The following DYM variants were observed in gnomAD, a reference collection of about 807,000 sequenced individuals.
DYM encodes dymeclin, also known as dyggve-Melchior-Clausen syndrome protein.
Under a neutral mutation model 93.1 loss-of-function variants are expected in DYM, and 78 were observed. That is an observed-to-expected ratio of 0.84 (90% CI 0.70 to 1.01). DYM has a LOEUF of 1.01. Ranked by LOEUF, DYM falls within the 50% of genes least tolerant of loss-of-function variation. The pLI, the probability that DYM is intolerant of heterozygous loss-of-function variation, is 0.00. For missense variants in DYM, 789 were observed against 845.0 expected (o/e 0.93, Z 0.82); for synonymous variants, 321 against 319.7 (o/e 1.00, Z -0.04).
At chr18:49,067,790 G>A (rs186073996) in intron 17 of DYM, among the ~76,000 whole-genome samples, 119 of 152,250 alleles carry the variant, frequency 7.8e-4, no homozygotes, top group African/African-American at 2.8e-3. Flanking sequence ...TCACAAATGT[G>A]CATGAAAGTA....
chr18:49,117,747 T>C (rs905320512), intron 16 of DYM, among the ~76,000 whole-genome samples: 18 of 152,154 alleles, frequency 1.2e-4, no homozygotes, highest in African/African-American at 4.3e-4. Context: ...TGTGCACTGG[T>C]TCTACACACT....
At chr18:49,289,727 G>GTGTATATATATA (rs1555678602) in intron 8 of DYM, among the ~76,000 whole-genome samples, 3 of 85,088 alleles carry the variant, frequency 3.5e-5, no homozygotes, top group Non-Finnish European at 6.3e-5. Context: ...ATATATATGT[G>GTGTATATATATA]TATATATATA....
intron 15 of DYM, among the ~76,000 whole-genome samples, chr18:49,138,228 T>C (rs938184638): frequency 2.0e-5 from 3 of 152,176 alleles, no homozygotes; most frequent in Non-Finnish European, 4.4e-5. Flanking sequence ...AAAGAATGAT[T>C]ATAACCTTCT....
intron 17 of DYM, among the ~76,000 whole-genome samples, chr18:49,059,706 T>C (rs986727539): frequency 2.6e-5 from 4 of 152,078 alleles, no homozygotes; most frequent in Non-Finnish European, 5.9e-5. Context: ...AGCTGAAGGC[T>C]TACTCAGTAC....
intron 14 of DYM, among the ~76,000 whole-genome samples, chr18:49,206,826 G>A (rs1303002272): frequency 3.3e-5 from 5 of 152,194 alleles, no homozygotes; most frequent in African/African-American, 9.7e-5. Context: ...GCTTCATACT[G>A]TAAACCCCAG....
At chr18:49,436,770 T>C (rs945154665) in intron 1 of DYM, among the ~76,000 whole-genome samples, 3 of 152,162 alleles carry the variant, frequency 2.0e-5, no homozygotes, top group African/African-American at 7.2e-5. Context: ...GGCTCTACCA[T>C]GTACTCAATT....
chr18:49,091,299 T>C (rs79814176), intron 17 of DYM, among the ~76,000 whole-genome samples: 2,642 of 152,164 alleles, frequency 0.017, 74 homozygotes, highest in African/African-American at 0.06. Flanking sequence ...AATTATACAG[T>C]ATGCTAGATG....
At position 49,452,483 on chromosome 18, in the gene DYM, G is replaced by A. The variant is rs961569077; in HGVS notation, c.-54+7915C>T. 2.6e-5 allele frequency among the ~76,000 whole-genome samples: 4 copies of A among 151,928 alleles called. No individual in the cohort carries two copies. The South Asian group carries it at 6.2e-4, about 24-fold the overall frequency. ...GTTTTGACAGGGTGCTGATTGGTGC[G>A]TTTACAATCCCTGAGCTAGATATAA... On this transcript the variant is annotated intron_variant, in intron 1 of 17. Coordinates refer to ENST00000675505, the MANE Select transcript of DYM (RefSeq NM_001353214.3).
At chr18:49,063,527 G>A (rs187537909) in intron 17 of DYM, among the ~76,000 whole-genome samples, 11 of 151,118 alleles carry the variant, frequency 7.3e-5, no homozygotes, top group African/African-American at 2.7e-4. Flanking sequence ...ACAACAAGGT[G>A]ATAATTCAAA....
At position 49,045,472 on chromosome 18, in the gene DYM, G is replaced by T. The variant is rs912184037; in HGVS notation, c.2026-1268C>A. Among the ~76,000 whole-genome samples the T allele has an allele frequency of 5.3e-5, 8 of 152,260 alleles. No homozygotes were observed. In the East Asian group the frequency reaches 7.7e-4, roughly 15 times the overall value. ...ATTATCTAATTTAGTCCTTCTTATG[G>T]GAGTCCATTCATTTGTTCATTCACT... is the stretch of plus-strand genomic sequence containing the variant. On this transcript the variant is annotated intron_variant, in intron 17 of 17. Transcript: ENST00000675505.
chr18:49,068,081 T>A (rs112788639), intron 17 of DYM, among the ~76,000 whole-genome samples: 2,732 of 152,318 alleles, frequency 0.018, 77 homozygotes, highest in African/African-American at 0.061. Flanking sequence ...ACAGGGGCAA[T>A]GACTAGTAAT....
intron 17 of DYM, among the ~76,000 whole-genome samples, chr18:49,045,142 G>C (rs898004074): frequency 6.6e-6 from 1 of 152,186 alleles, no homozygotes; most frequent in Non-Finnish European, 1.5e-5. Flanking sequence ...CCTTGTCCCA[G>C]GTTGGGTGGG....
intron 5 of DYM, among the ~76,000 whole-genome samples, chr18:49,368,108 A>G (rs1233759099): frequency 1.3e-5 from 2 of 152,218 alleles, no homozygotes; most frequent in Non-Finnish European, 2.9e-5. Flanking sequence ...GCACTACAGT[A>G]TTTATAAGCT....
At chr18:49,384,718 T>TA (rs78589472) in intron 3 of DYM, among the ~76,000 whole-genome samples, 12,518 of 150,270 alleles carry the variant, frequency 0.083, 757 homozygotes, top group East Asian at 0.31. Context: ...CAATAACAGC[T>TA]AAAACATACA....
Position 49,100,508 on chromosome 18 carries a change from A to G in DYM, c.1912-2993T>C, listed in dbSNP as rs533783907. 7.9e-5 allele frequency among the ~76,000 whole-genome samples: 12 copies of G among 152,240 alleles called. No individual in the cohort carries two copies. The Middle Eastern group carries it at 0.014, about 173-fold the overall frequency. ...ATTTCCACTGGGAGAGCTGCAGAGG[A>G]GGCATGAAGCTGGGTTTCCAACTAA... On this transcript the variant is annotated intron_variant, in intron 16 of 17. Coordinates refer to ENST00000675505, the MANE Select transcript of DYM (RefSeq NM_001353214.3).
At chr18:49,093,764 T>C (rs1294856356) in intron 17 of DYM, among the ~76,000 whole-genome samples, 1 of 152,114 alleles carries the variant, frequency 6.6e-6, no homozygotes, top group Non-Finnish European at 1.5e-5. Flanking sequence ...GAATCTGCTC[T>C]GGGGATAGAG....
intron 5 of DYM, among the ~76,000 whole-genome samples, chr18:49,369,543 C>A (rs2066809888): frequency 6.6e-6 from 1 of 152,172 alleles, no homozygotes; most frequent in African/African-American, 2.4e-5. Context: ...TCAGCTTTCA[C>A]AGATCAGTGA....
intron 1 of DYM, among the ~76,000 whole-genome samples, chr18:49,431,031 T>C (rs2080277890): frequency 6.6e-6 from 1 of 152,152 alleles, no homozygotes; most frequent in African/African-American, 2.4e-5. Context: ...ATCATAATAA[T>C]GGTAACTTAT....
At chr18:49,338,003 G>A (rs1436101386) in intron 6 of DYM, among the ~76,000 whole-genome samples, 1 of 152,100 alleles carries the variant, frequency 6.6e-6, no homozygotes, top group Non-Finnish European at 1.5e-5. Flanking sequence ...ACTCGAACTG[G>A]GAGTTGAGAA....
Sources: allele counts gnomAD v4.1 joint callset (sites outside exome capture counted in the v4.1 genomes callset), GRCh38; gene constraint gnomAD v4.1.1; transcripts MANE v1.5; gene names NCBI Gene and HGNC (gene_info 2026-07-23, HGNC 2026-07-21).